KSR2: variants seen among roughly 807,000 people sequenced by gnomAD.
KSR2 encodes the protein kinase suppressor of ras 2.
Under a neutral mutation model 107.8 loss-of-function variants are expected in KSR2, and 25 were observed. That is an observed-to-expected ratio of 0.23 (90% CI 0.17 to 0.32). The LOEUF is 0.32. Among genes scored for constraint, KSR2 ranks in the 10% least tolerant of loss-of-function variants. KSR2 has a pLI of 1.00. For missense variants in KSR2, 887 were observed against 1,268.9 expected (o/e 0.70, Z 4.57); for synonymous variants, 480 against 507.0 (o/e 0.95, Z 0.71).
chr12:117,960,011 G>A lies in KSR2; in HGVS notation c.180+8065C>T, dbSNP rs529450865. Among the ~76,000 whole-genome samples the A allele has an allele frequency of 7.3e-5, 11 of 151,164 alleles. No individual in the cohort carries two copies. In the South Asian group the frequency reaches 8.4e-4, roughly 12 times the overall value. Reference sequence around the variant, plus strand: ...ATGACCAGCTTCTGTCTCCCACTGCGTCCCTCTTCATCCTTTCCCTGCCCA... The same window carrying A: ...ATGACCAGCTTCTGTCTCCCACTGCATCCCTCTTCATCCTTTCCCTGCCCA... On this transcript the variant is annotated intron_variant, in intron 1 of 19. Transcript: ENST00000339824.
Position 117,686,573 on chromosome 12 carries a change from A to G in KSR2, c.987-18915T>C, listed in dbSNP as rs117783139. ...TTTGCTTGTAACACCTGGATAAAAA[A>G]GCTCATTGTCATCTGGATTCTCAAC... On this transcript the variant is annotated intron_variant, in intron 4 of 19. Coordinates refer to ENST00000339824, the MANE Select transcript of KSR2 (RefSeq NM_173598.6). 5.0e-4 allele frequency among the ~76,000 whole-genome samples: 76 copies of G among 152,188 alleles called. No homozygotes were observed. The East Asian group carries it at 0.013, about 27-fold the overall frequency.
At chr12:117,851,599 A>C (rs1386075840) in intron 3 of KSR2, among the ~76,000 whole-genome samples, 1 of 151,718 alleles carries the variant, frequency 6.6e-6, no homozygotes, top group Non-Finnish European at 1.5e-5. Context: ...AAAAACAAAA[A>C]ATAGAGGCAG....
rs928070514 is a variant in KSR2, at chr12:117,740,610, AATATACATATATTATATATGTAAT to A, written c.986+20377_986+20400del. ...GTACTATATACATATATAGATGTAA[AATATACATATATTATATATGTAAT>A]ATATACATATATTATATATGTAATA... On this transcript the variant is annotated intron_variant, in intron 4 of 19. Coordinates refer to ENST00000339824, the MANE Select transcript of KSR2 (RefSeq NM_173598.6). Among the ~76,000 whole-genome samples the A allele has an allele frequency of 2.6e-4, 23 of 87,122 alleles. 1 individual carries two copies. Among genetic ancestry groups the A allele is most frequent in the South Asian group, 4.6e-4 (1 of 2,170 alleles). 57.2% of individuals were successfully genotyped at this position (87,122 alleles called of 152,430 possible).
intron 14 of KSR2, among the ~76,000 whole-genome samples, chr12:117,487,129 C>T (rs911300569): frequency 1.6e-4 from 24 of 152,160 alleles, no homozygotes; most frequent in African/African-American, 5.6e-4. Context: ...ATGCCTAGTA[C>T]ATTTCATGGT....
intron 3 of KSR2, among the ~76,000 whole-genome samples, chr12:117,771,616 G>A (rs1296819741): frequency 2.0e-5 from 3 of 152,138 alleles, no homozygotes; most frequent in African/African-American, 4.8e-5. Flanking sequence ...TAATTGCATC[G>A]TTTCATTTAA....
chr12:117,482,458 T>C (rs555058538), intron 16 of KSR2, among the ~76,000 whole-genome samples: 11 of 152,164 alleles, frequency 7.2e-5, no homozygotes, highest in Admixed American at 2.6e-4. Context: ...AAGTCATTGA[T>C]GGCTACTTGT....
At chr12:117,794,534 C>T (rs1429094150) in intron 3 of KSR2, among the ~76,000 whole-genome samples, 3 of 139,398 alleles carry the variant, frequency 2.2e-5, no homozygotes, top group Non-Finnish European at 4.6e-5. Flanking sequence ...CATGCACACA[C>T]AACATGCACA....
intron 5 of KSR2, among the ~76,000 whole-genome samples, chr12:117,642,310 T>C (rs757139413): frequency 5.3e-5 from 8 of 152,054 alleles, no homozygotes; most frequent in Non-Finnish European, 1.0e-4. Context: ...TCACAGCGGG[T>C]GAGCACTCAA....
At chr12:117,746,840 G>A (rs781302930) in intron 4 of KSR2, among the ~76,000 whole-genome samples, 14 of 151,470 alleles carry the variant, frequency 9.2e-5, no homozygotes, top group East Asian at 7.7e-4. Flanking sequence ...AAAGCTCATC[G>A]TCACTGATCA....
chr12:117,807,214 G>A (rs1352225518), intron 3 of KSR2, among the ~76,000 whole-genome samples: 1 of 152,104 alleles, frequency 6.6e-6, no homozygotes, highest in African/African-American at 2.4e-5. Context: ...AATGAAGCAA[G>A]TGATTCCCGG....
rs148200596 is a variant in KSR2 at position 117,688,208 on chromosome 12, C to T, written c.987-20550G>A. On this transcript the variant is annotated intron_variant, in intron 4 of 19. Coordinates refer to ENST00000339824, the MANE Select transcript of KSR2 (RefSeq NM_173598.6). ...CAGCCTGGCCAACATGGTAAAACCC[C>T]GTCTCTACGAAAAATACAAAAACTG... 7.7e-3 allele frequency among the ~76,000 whole-genome samples: 1,165 copies of T among 152,232 alleles called. 6 individuals carry two copies. Among genetic ancestry groups the T allele is most frequent in the Non-Finnish European group, 0.013 (861 of 68,010 alleles).
At chr12:117,873,000 C>G (rs560540445) in intron 1 of KSR2, among the ~76,000 whole-genome samples, 241 of 152,190 alleles carry the variant, frequency 1.6e-3, no homozygotes, top group African/African-American at 5.6e-3. Flanking sequence ...AACAGAAGGG[C>G]AGCCAGGGTT....
intron 5 of KSR2, among the ~76,000 whole-genome samples, chr12:117,635,190 T>G (rs1225752174): frequency 2.0e-5 from 3 of 152,208 alleles, no homozygotes; most frequent in African/African-American, 7.2e-5. Context: ...TGCTCTTTCC[T>G]GTCTTCCCCA....
intron 1 of KSR2, among the ~76,000 whole-genome samples, chr12:117,947,983 G>T (rs4767645): frequency 0.53 from 80,813 of 151,798 alleles, 21,915 homozygotes; most frequent in African/African-American, 0.63. Flanking sequence ...TTAATGTAGT[G>T]GCAATAAAAA....
In KSR2 at chr12:117,667,609, C is replaced by T. The variant is rs60300892; in HGVS notation, c.1036G>A (p.Gly346Ser). 4 of 1,612,244 alleles carry T rather than the reference C, an allele frequency of 2.5e-6. No individual in the cohort carries two copies. Among genetic ancestry groups the T allele is most frequent in the Non-Finnish European group, 3.4e-6 (4 of 1,179,126 alleles). Residue 346 changes from glycine (G) to serine (S), a missense_variant, in exon 5 of 20, where the codon GGC becomes AGC. Gly to Ser is a moderately conservative substitution (Grantham distance 56). Transcript: ENST00000339824. ...TGAGAGGGGATGTTCTCGCAGCTGCCTACGCTGCTGTGGATCTTGAGGTTC... is the reference window on the plus strand; with the variant it reads ...TGAGAGGGGATGTTCTCGCAGCTGCTTACGCTGCTGTGGATCTTGAGGTTC... ...PLNLKIHSSVGSCENIPSQQR... is the reference protein window; with the variant it reads ...PLNLKIHSSVSSCENIPSQQR...
intron 5 of KSR2, among the ~76,000 whole-genome samples, chr12:117,643,249 T>C (rs1006758731): frequency 1.3e-5 from 2 of 152,180 alleles, no homozygotes; most frequent in African/African-American, 4.8e-5. Context: ...AAGACCAGCC[T>C]GGCCAACATG....
intron 3 of KSR2, among the ~76,000 whole-genome samples, chr12:117,796,375 C>G (rs1395163743): frequency 6.6e-6 from 1 of 152,174 alleles, no homozygotes; most frequent in African/African-American, 2.4e-5. Context: ...ACGAAATGAT[C>G]TCAGGAAATT....
At chr12:117,784,344 G>T (rs1419635745) in intron 3 of KSR2, among the ~76,000 whole-genome samples, 1 of 152,154 alleles carries the variant, frequency 6.6e-6, no homozygotes, top group Admixed American at 6.5e-5. Flanking sequence ...AAGCTCTCTT[G>T]CCTGCCACCA....
chr12:117,798,044 C>T (rs952273499), intron 3 of KSR2, among the ~76,000 whole-genome samples: 3 of 152,110 alleles, frequency 2.0e-5, no homozygotes, highest in Admixed American at 6.5e-5. Flanking sequence ...GCATGGGGGC[C>T]CTGATCCCGT....
Sources: gnomAD v4.1 joint callset for allele counts (sites outside exome capture counted in the v4.1 genomes callset) on GRCh38, gnomAD v4.1.1 for gene constraint, MANE v1.5 for transcripts, NCBI Gene and HGNC (gene_info 2026-07-23, HGNC 2026-07-21) for gene names.